The following ZBTB8OS variants were observed in gnomAD, a reference collection of about 807,000 sequenced individuals.
The protein encoded by ZBTB8OS is tRNA splicing ligase complex subunit 1, also known as tRNA-splicing ligase-activating factor archease.
In ZBTB8OS, 16 loss-of-function variants were observed where a neutral mutation model predicts 29.3. The observed-to-expected ratio is 0.55, with a 90% CI of 0.37 to 0.83. ZBTB8OS has a LOEUF of 0.83. ZBTB8OS is among the 40% of genes least tolerant of loss of function. The pLI, the probability that ZBTB8OS is intolerant of heterozygous loss-of-function variation, is 0.00. For missense variants in ZBTB8OS, 160 were observed against 196.9 expected (o/e 0.81, Z 1.12); for synonymous variants, 70 against 64.6 (o/e 1.08, Z -0.40).
chr1:32,644,208 A>C (rs1010038185), intron 1 of ZBTB8OS, among the ~76,000 whole-genome samples: 1 of 152,204 alleles, frequency 6.6e-6, no homozygotes, highest in Non-Finnish European at 1.5e-5. Flanking sequence ...GCGTTTATCA[A>C]TCGGACGAAT....
chr1:32,633,925 T>G (rs953686937), intron 3 of ZBTB8OS, 26 bp downstream of exon 3: 2 of 1,548,578 alleles, frequency 1.3e-6, no homozygotes, highest in East Asian at 2.3e-5. Flanking sequence ...GTATAACAAT[T>G]TCTTCCTTGT....
chr1:32,633,914 T>C (rs780764301), intron 3 of ZBTB8OS, 37 bp downstream of exon 3: 3 of 1,543,368 alleles, frequency 1.9e-6, no homozygotes, highest in East Asian at 2.3e-5. Flanking sequence ...TATACAGTAC[T>C]GTATAACAAT....
intron 4 of ZBTB8OS, among the ~76,000 whole-genome samples, chr1:32,632,772 C>T (rs1471522134): frequency 1.3e-5 from 2 of 152,142 alleles, no homozygotes; most frequent in African/African-American, 4.8e-5. Flanking sequence ...ACTCTGGGCA[C>T]ACAGGGGCAG....
At chr1:32,638,230 C>CTTTTTT (rs760775116) in intron 1 of ZBTB8OS, among the ~76,000 whole-genome samples, 9 of 102,150 alleles carry the variant, frequency 8.8e-5, no homozygotes, top group Non-Finnish European at 1.5e-4. Context: ...CTCCAGAATT[C>CTTTTTT]TTTTTTTTTT....
At chr1:32,631,684 TG>T in intron 5 of ZBTB8OS, 142 bp downstream of exon 5, 1 of 571,768 alleles carries the variant, frequency 1.7e-6, no homozygotes, top group South Asian at 2.1e-5. Flanking sequence ...GTTAAGTTTC[TG>T]GTCCTTCCAA....
chr1:32,646,812 G>A (rs1407738021), intron 1 of ZBTB8OS, among the ~76,000 whole-genome samples: 2 of 150,188 alleles, frequency 1.3e-5, no homozygotes, highest in African/African-American at 4.9e-5. Flanking sequence ...TCAGGTGGGC[G>A]GATCACTTGA....
chr1:32,636,345 G>C (rs186762367), intron 1 of ZBTB8OS, among the ~76,000 whole-genome samples: 1 of 152,098 alleles, frequency 6.6e-6, no homozygotes, highest in South Asian at 2.1e-4. Context: ...TTGATGAATC[G>C]GCTTTGTCTG....
chr1:32,627,828 A>G (rs1482959376), intron 5 of ZBTB8OS: 3 of 409,536 alleles, frequency 7.3e-6, no homozygotes, highest in Non-Finnish European at 1.3e-5. Flanking sequence ...TGAGCCCAGG[A>G]GTTTGAGAAC....
chr1:32,650,785 CTT>C, upstream of ZBTB8OS: 1 of 593,594 alleles, frequency 1.7e-6, no homozygotes, highest in Non-Finnish European at 2.9e-6. Context: ...TGAAGGGCAC[CTT>C]GAATGAAACC....
chr1:32,638,839 A>T (rs1278472040), intron 1 of ZBTB8OS, among the ~76,000 whole-genome samples: 1 of 152,058 alleles, frequency 6.6e-6, no homozygotes, highest in Non-Finnish European at 1.5e-5. Flanking sequence ...GCTTGAACCC[A>T]GGTGGCAAAG....
intron 1 of ZBTB8OS, among the ~76,000 whole-genome samples, chr1:32,635,894 T>C (rs950851480): frequency 6.6e-6 from 1 of 152,162 alleles, no homozygotes; most frequent in African/African-American, 2.4e-5. Context: ...AACCAGTCTG[T>C]CTTTCTGGGA....
intron 1 of ZBTB8OS, among the ~76,000 whole-genome samples, chr1:32,642,960 A>G (rs201770777): frequency 7.0e-5 from 10 of 143,068 alleles, no homozygotes; most frequent in East Asian, 4.3e-4. Context: ...TAGTAGAGAC[A>G]GAGTTTCACC....
chr1:32,640,412 G>C (rs561534118), intron 1 of ZBTB8OS, among the ~76,000 whole-genome samples: 30 of 152,104 alleles, frequency 2.0e-4, no homozygotes, highest in African/African-American at 7.2e-4. Context: ...AAACATGGTA[G>C]TTTTTTCAAC....
intron 1 of ZBTB8OS, 139 bp downstream of exon 1, chr1:32,650,294 G>T: frequency 8.3e-7 from 1 of 1,198,650 alleles, no homozygotes; most frequent in South Asian, 1.5e-5. Flanking sequence ...GTACGAACGC[G>T]ACTACAACAG....
intron 5 of ZBTB8OS, among the ~76,000 whole-genome samples, chr1:32,631,119 G>A (rs576781209): frequency 4.6e-5 from 7 of 152,190 alleles, no homozygotes; most frequent in African/African-American, 1.7e-4. Flanking sequence ...ACTTTGGGAG[G>A]CAGAGGCCAG....
chr1:32,647,073 A>T (rs1193568547), intron 1 of ZBTB8OS, among the ~76,000 whole-genome samples: 1 of 137,684 alleles, frequency 7.3e-6, no homozygotes, highest in Admixed American at 7.7e-5. Context: ...AAAAAAAAAA[A>T]TGCCAGGCGT....
intron 1 of ZBTB8OS, among the ~76,000 whole-genome samples, chr1:32,636,644 C>G (rs149470387): frequency 1.3e-5 from 2 of 149,996 alleles, no homozygotes; most frequent in Non-Finnish European, 3.0e-5. Flanking sequence ...GAGCCAAGAT[C>G]GCGCCACTGC....
intron 1 of ZBTB8OS, among the ~76,000 whole-genome samples, chr1:32,649,902 G>A (rs1647190848): frequency 6.6e-6 from 1 of 152,036 alleles, no homozygotes; most frequent in Admixed American, 6.6e-5. Context: ...GACCTCAGGT[G>A]ATCCGCCCGC....
chr1:32,650,633 G>C (rs1218615613), upstream of ZBTB8OS: 1 of 1,595,450 alleles, frequency 6.3e-7, no homozygotes, highest in African/African-American at 1.3e-5. Context: ...CACCCTTAAA[G>C]GACCACACTC....
Sources: gnomAD v4.1 joint callset for allele counts (sites outside exome capture counted in the v4.1 genomes callset) on GRCh38, gnomAD v4.1.1 for gene constraint, MANE v1.5 for transcripts, NCBI Gene and HGNC (gene_info 2026-07-23, HGNC 2026-07-21) for gene names.